MIPOL1: variants seen among roughly 807,000 people sequenced by gnomAD.
MIPOL1 encodes the protein mirror-image polydactyly 1.
MIPOL1 carries 57 observed loss-of-function variants against 60.9 expected under a neutral mutation model. The observed-to-expected ratio is 0.94, with a 90% CI of 0.76 to 1.17. The LOEUF is 1.17. Among genes scored for constraint, MIPOL1 ranks in the 50% most tolerant of loss-of-function variants. The pLI is 0.00. For synonymous variants in MIPOL1, 179 were observed against 168.8 expected, an observed-to-expected ratio of 1.06 and a Z score of -0.47; for missense variants, 551 against 511.6, an observed-to-expected ratio of 1.08 and a Z score of -0.74.
chr14:37,231,925 T>C (rs551314614), intron 1 of MIPOL1, among the ~76,000 whole-genome samples: 1 of 151,456 alleles, frequency 6.6e-6, no homozygotes, highest in Non-Finnish European at 1.5e-5. Flanking sequence ...ACAAAAAATT[T>C]TACAAAAGTA....
chr14:37,342,395 C>G (rs886183820), intron 9 of MIPOL1, among the ~76,000 whole-genome samples: 1 of 151,510 alleles, frequency 6.6e-6, no homozygotes, highest in South Asian at 2.1e-4. Flanking sequence ...TTCTGAAATA[C>G]ATGCAAATCA....
In MIPOL1 at chr14:37,255,249, T is replaced by C. The variant is rs372632624; in HGVS notation, c.19+7342T>C. 5.3e-5 allele frequency among the ~76,000 whole-genome samples: 8 copies of C among 151,700 alleles called. No homozygotes were observed. In the East Asian group the frequency reaches 1.2e-3, roughly 22 times the overall value. ...TGACTGTGTGGCCTCCGTAGTATGA[T>C]TAATATAAAGGTCTGAGTGTGCATT... On this transcript the variant is annotated intron_variant, in intron 3 of 12. Coordinates refer to ENST00000684589, the MANE Select transcript of MIPOL1 (RefSeq NM_001388067.1).
chr14:37,251,092 ACT>A (rs1462853742), intron 3 of MIPOL1, among the ~76,000 whole-genome samples: 15 of 151,946 alleles, frequency 9.9e-5, no homozygotes, highest in African/African-American at 7.2e-5. Context: ...ACAGAGTCTC[ACT>A]CTGTCATCCT....
chr14:37,412,000 A>T (rs1476612173), intron 10 of MIPOL1, among the ~76,000 whole-genome samples: 2 of 152,118 alleles, frequency 1.3e-5, no homozygotes, highest in African/African-American at 2.4e-5. Flanking sequence ...TGTGAGATGG[A>T]TATTATCACT....
At chr14:37,454,946 T>C (rs909377102) in intron 11 of MIPOL1, among the ~76,000 whole-genome samples, 1 of 152,318 alleles carries the variant, frequency 6.6e-6, no homozygotes, top group South Asian at 2.1e-4. Context: ...TTTCACTGTT[T>C]GTGATAATAA....
At chr14:37,357,366 T>G (rs960121917) in intron 9 of MIPOL1, among the ~76,000 whole-genome samples, 1 of 152,154 alleles carries the variant, frequency 6.6e-6, no homozygotes, top group East Asian at 1.9e-4. Context: ...GGGATATTGC[T>G]CAAGAAATGT....
At chr14:37,206,102 G>T (rs1406849159) in intron 1 of MIPOL1, among the ~76,000 whole-genome samples, 1 of 152,162 alleles carries the variant, frequency 6.6e-6, no homozygotes, top group Non-Finnish European at 1.5e-5. Context: ...CCAAGACAAT[G>T]GGGAAAATGT....
At chr14:37,199,843 C>T (rs1319200917) in intron 1 of MIPOL1, among the ~76,000 whole-genome samples, 2 of 152,030 alleles carry the variant, frequency 1.3e-5, no homozygotes, top group South Asian at 2.1e-4. Context: ...ATTTTTATTG[C>T]GTATATGCCT....
chr14:37,450,818 T>C (rs965214771), intron 11 of MIPOL1, among the ~76,000 whole-genome samples: 1 of 152,132 alleles, frequency 6.6e-6, no homozygotes, highest in Non-Finnish European at 1.5e-5. Context: ...TTTCAAGTCT[T>C]TTTTATCAAT....
intron 9 of MIPOL1, among the ~76,000 whole-genome samples, chr14:37,334,703 A>G (rs1326758829): frequency 6.6e-6 from 1 of 151,954 alleles, no homozygotes; most frequent in Non-Finnish European, 1.5e-5. Flanking sequence ...TAAGCAACCA[A>G]TAATCTATCT....
chr14:37,490,223 G>A (rs978542088), intron 11 of MIPOL1, among the ~76,000 whole-genome samples: 2 of 152,114 alleles, frequency 1.3e-5, no homozygotes, highest in South Asian at 2.1e-4. Context: ...CACCCAGTTC[G>A]AACTTCCCTG....
chr14:37,303,498 T>G (rs564703996), intron 7 of MIPOL1, among the ~76,000 whole-genome samples: 90 of 152,086 alleles, frequency 5.9e-4, no homozygotes, highest in Admixed American at 3.7e-3. Flanking sequence ...ATTGAGCCTA[T>G]CATTCTTCCC....
At chr14:37,425,236 T>C (rs1046007635) in intron 11 of MIPOL1, among the ~76,000 whole-genome samples, 1 of 152,186 alleles carries the variant, frequency 6.6e-6, no homozygotes, top group African/African-American at 2.4e-5. Context: ...AAGAGGTATA[T>C]GATGATGTTG....
chr14:37,224,451 A>G (rs1478157465), intron 1 of MIPOL1, among the ~76,000 whole-genome samples: 1 of 152,194 alleles, frequency 6.6e-6, no homozygotes, highest in Non-Finnish European at 1.5e-5. Flanking sequence ...AGGCCTCACA[A>G]TCGTGGTGGA....
At position 37,548,847 on chromosome 14, in the gene MIPOL1, A is replaced by G. The variant is rs376255415; in HGVS notation, c.*1876A>G. 6.6e-6 allele frequency: 1 copy of G among 151,996 alleles called. No homozygotes were observed. Among genetic ancestry groups the G allele is most frequent in the African/African-American group, 2.4e-5 (1 of 41,442 alleles). 9.4% of individuals were successfully genotyped at this position (151,996 alleles called of 1,614,324 possible). ...AAATCTTTCTACGCTTAAATGATCA[A>G]ATTAGAAAAACCAATTCCTATAATT... On this transcript the variant is annotated 3_prime_UTR_variant, in exon 13 of 13. Coordinates refer to ENST00000684589, the MANE Select transcript of MIPOL1 (RefSeq NM_001388067.1).
At chr14:37,404,123 A>G (rs551385740) in intron 10 of MIPOL1, among the ~76,000 whole-genome samples, 1 of 152,322 alleles carries the variant, frequency 6.6e-6, no homozygotes, top group South Asian at 2.1e-4. Context: ...TTCTTTTTTA[A>G]CATCCTCATA....
chr14:37,501,601 T>C (rs567369790), intron 12 of MIPOL1: 5 of 152,268 alleles, frequency 3.3e-5, no homozygotes, highest in Non-Finnish European at 4.4e-5. Context: ...TCAGATAATG[T>C]TTTAAATTAA....
chr14:37,259,629 C>T (rs1195246792), intron 3 of MIPOL1, among the ~76,000 whole-genome samples: 3 of 151,882 alleles, frequency 2.0e-5, no homozygotes, highest in Non-Finnish European at 4.4e-5. Flanking sequence ...TAGCTATGGG[C>T]ACCATGTGGC....
At chr14:37,273,232 A>G (rs1160601881) in intron 6 of MIPOL1, among the ~76,000 whole-genome samples, 1 of 151,100 alleles carries the variant, frequency 6.6e-6, no homozygotes, top group Non-Finnish European at 1.5e-5. Flanking sequence ...ACATACATGT[A>G]TATTATATAA....
Sources: allele counts gnomAD v4.1 joint callset (sites outside exome capture counted in the v4.1 genomes callset), GRCh38; gene constraint gnomAD v4.1.1; transcripts MANE v1.5; gene names NCBI Gene and HGNC (gene_info 2026-07-23, HGNC 2026-07-21).